Variants in KIAA1217 observed in about 807,000 individuals in gnomAD.
KIAA1217 encodes the protein sickle tail protein homolog.
Under a neutral mutation model 163.9 loss-of-function variants are expected in KIAA1217, and 88 were observed. The observed-to-expected ratio is 0.54, with a 90% CI of 0.45 to 0.64. KIAA1217 has a LOEUF of 0.64. Among genes scored for constraint, KIAA1217 ranks in the 30% least tolerant of loss-of-function variants. The pLI is 0.00. For missense variants in KIAA1217, 2,372 were observed against 2,475.0 expected (o/e 0.96, Z 0.88); for synonymous variants, 903 against 923.1 (o/e 0.98, Z 0.39).
chr10:24,478,442 A>G (rs2064277786), intron 6 of KIAA1217, among the ~76,000 whole-genome samples: 1 of 152,232 alleles, frequency 6.6e-6, no homozygotes, highest in African/African-American at 2.4e-5. Context: ...TGAAGAACAC[A>G]GTGTCTATGG....
intron 2 of KIAA1217, among the ~76,000 whole-genome samples, chr10:24,064,469 C>A (rs1376824042): frequency 1.3e-5 from 2 of 152,150 alleles, no homozygotes; most frequent in East Asian, 1.9e-4. Flanking sequence ...GTTGAACCAG[C>A]CTTGCATCCC....
chr10:24,208,505 G>A (rs1205726375), upstream of KIAA1217, among the ~76,000 whole-genome samples: 2 of 152,000 alleles, frequency 1.3e-5, no homozygotes, highest in African/African-American at 4.8e-5. Flanking sequence ...GTGTGCAAAT[G>A]ACGCTATACC....
At chr10:24,177,244 T>C (rs1210865924) in intron 2 of KIAA1217, among the ~76,000 whole-genome samples, 1 of 113,428 alleles carries the variant, frequency 8.8e-6, no homozygotes, top group Non-Finnish European at 1.7e-5. Context: ...TAGCACGTTT[T>C]CACCTCTCAC....
intron 1 of KIAA1217, among the ~76,000 whole-genome samples, chr10:23,866,896 T>G (rs1479198976): frequency 6.6e-6 from 1 of 151,896 alleles, no homozygotes; most frequent in Non-Finnish European, 1.5e-5. Flanking sequence ...ATGTGCACAA[T>G]GTGCAGGTTA....
chr10:24,265,644 T>A (rs1446695328), intron 2 of KIAA1217, among the ~76,000 whole-genome samples: 1 of 152,156 alleles, frequency 6.6e-6, no homozygotes, highest in Non-Finnish European at 1.5e-5. Flanking sequence ...GGACATTTTC[T>A]CTCTCCTTCT....
Position 24,494,517 on chromosome 10 carries a change from T to C in KIAA1217, c.1697T>C (p.Met566Thr). The C allele has an allele frequency of 1.2e-6, 2 of 1,613,618 alleles. No homozygotes were observed. The highest frequency in any genetic ancestry group is 1.7e-6 in the Non-Finnish European group (2 of 1,179,652). ...TTTTACAGAGAGAGGATGCAAGCCA[T>C]GGAGAAACAGATTGCCAGTTTAACT... ...DRETRERMQA[M>T]EKQIASLTGL... Residue 566 changes from methionine (M) to threonine (T), a missense_variant, in exon 7 of 21, where the codon ATG becomes ACG. Met to Thr is a moderately conservative substitution (Grantham distance 81). Around this residue, in one of 3 missense-constraint regions of KIAA1217, gnomAD observed 1,431 missense variants for 1,470.3 expected, o/e 0.97. Coordinates refer to ENST00000376454, the MANE Select transcript of KIAA1217 (RefSeq NM_019590.5).
upstream of KIAA1217, among the ~76,000 whole-genome samples, chr10:24,205,702 G>A (rs572334440): frequency 2.0e-5 from 3 of 152,074 alleles, no homozygotes; most frequent in South Asian, 2.1e-4. Flanking sequence ...GAACCCAGAA[G>A]GTGGAGGTTG....
chr10:24,234,901 G>C (rs1290607535), intron 2 of KIAA1217, among the ~76,000 whole-genome samples: 3 of 152,124 alleles, frequency 2.0e-5, no homozygotes, highest in Admixed American at 1.3e-4. Flanking sequence ...TTTAGGTCTT[G>C]ACAAGCTGTA....
intron 2 of KIAA1217, among the ~76,000 whole-genome samples, chr10:24,342,652 A>ATTTTTTTTTTTTTTTTTTTTTTTTTTT (rs11299912): frequency 1.1e-5 from 1 of 93,510 alleles, no homozygotes. Context: ...ATACAACTCA[A>ATTTTTTTTTTTTTTTTTTTTTTTTTTT]TTTTTTTTTT....
chr10:24,443,370 A>C, intron 5 of KIAA1217, among the ~76,000 whole-genome samples: 1 of 152,182 alleles, frequency 6.6e-6, no homozygotes, highest in Admixed American at 6.5e-5. Context: ...GTGGCTGCTG[A>C]AATTATAGCC....
chr10:24,094,058 C>T (rs1311707601), intron 2 of KIAA1217, among the ~76,000 whole-genome samples: 1 of 151,466 alleles, frequency 6.6e-6, no homozygotes, highest in Non-Finnish European at 1.5e-5. Context: ...CATTGTTGGA[C>T]ATTTGGGTTG....
intron 6 of KIAA1217, among the ~76,000 whole-genome samples, chr10:24,490,121 T>C (rs1004644716): frequency 1.3e-5 from 2 of 152,206 alleles, no homozygotes; most frequent in African/African-American, 4.8e-5. Flanking sequence ...GTTTGGATCA[T>C]GAGAAGACTC....
chr10:24,515,936 TG>T (rs2070064855), intron 10 of KIAA1217, among the ~76,000 whole-genome samples: 1 of 152,158 alleles, frequency 6.6e-6, no homozygotes, highest in Non-Finnish European at 1.5e-5. Context: ...CCAGCTGTGG[TG>T]GCATGCCTCT....
chr10:24,522,886 A>G (rs747389770), intron 12 of KIAA1217, among the ~76,000 whole-genome samples: 4 of 151,130 alleles, frequency 2.6e-5, no homozygotes, highest in Non-Finnish European at 4.4e-5. Flanking sequence ...GAGGGAGGAG[A>G]ATTACTTGAA....
intron 1 of KIAA1217, among the ~76,000 whole-genome samples, chr10:23,997,541 G>C (rs891597339): frequency 1.3e-5 from 2 of 152,116 alleles, no homozygotes; most frequent in Non-Finnish European, 2.9e-5. Flanking sequence ...ATTTGTGGTA[G>C]GTAGCTATAG....
chr10:23,760,299 A>C (rs1834191086), intron 1 of KIAA1217, among the ~76,000 whole-genome samples: 3 of 152,206 alleles, frequency 2.0e-5, no homozygotes, highest in African/African-American at 7.2e-5. Flanking sequence ...TGACTGCTAC[A>C]GTGCATGCAT....
chr10:24,262,928 T>C (rs1332571245), intron 2 of KIAA1217, among the ~76,000 whole-genome samples: 1 of 145,256 alleles, frequency 6.9e-6, no homozygotes, highest in South Asian at 2.2e-4. Context: ...CCAGTCTGGG[T>C]AACAGCAAGA....
rs1245039939 is a variant in KIAA1217 at position 24,438,378 on chromosome 10, G to C, written c.753-8G>C. Reference sequence around the variant, plus strand: ...ATCTGCCATAGTTATCGATGTTTTTGATTCCAGGAACATTCAAGACAGATC... The same window carrying C: ...ATCTGCCATAGTTATCGATGTTTTTCATTCCAGGAACATTCAAGACAGATC... On this transcript the variant is annotated splice_polypyrimidine_tract_variant and splice_region_variant and intron_variant, in intron 4 of 20. Transcript: ENST00000376454. 1 of 1,604,404 alleles carries C rather than the reference G, an allele frequency of 6.2e-7. No individual in the cohort carries two copies. Among genetic ancestry groups the C allele is most frequent in the Admixed American group, 1.7e-5 (1 of 59,946 alleles).
chr10:24,323,131 T>A (rs1049338815), intron 2 of KIAA1217, among the ~76,000 whole-genome samples: 2 of 149,010 alleles, frequency 1.3e-5, no homozygotes, highest in African/African-American at 4.9e-5. Flanking sequence ...AAAAAAAAAA[T>A]GTTTTTGTAG....
Sources: allele counts gnomAD v4.1 joint callset (sites outside exome capture counted in the v4.1 genomes callset), GRCh38; gene constraint gnomAD v4.1.1; regional missense constraint gnomAD v4.1.1; transcripts MANE v1.5; gene names NCBI Gene and HGNC (gene_info 2026-07-23, HGNC 2026-07-21).